The following WDFY4 variants were observed in gnomAD, a reference collection of about 807,000 sequenced individuals.
WDFY4 encodes WDFY family member 4, also known as WD repeat- and FYVE domain-containing protein 4.
WDFY4 carries 169 observed loss-of-function variants against 351.9 expected under a neutral mutation model. The ratio of observed to expected loss-of-function variants is 0.48; its 90% CI spans 0.42 to 0.55. The LOEUF (loss-of-function observed/expected upper bound fraction) is 0.55. Among genes scored for constraint, WDFY4 ranks in the 20% least tolerant of loss-of-function variants. WDFY4 has a pLI of 0.00. For synonymous variants in WDFY4, 1,622 were observed against 1,574.6 expected (o/e 1.03, Z -0.71); for missense variants, 3,803 against 3,935.6 (o/e 0.97, Z 0.90).
intron 2 of WDFY4, among the ~76,000 whole-genome samples, chr10:48,717,665 A>G (rs541973883): frequency 5.4e-4 from 82 of 152,330 alleles, no homozygotes; most frequent in Non-Finnish European, 9.4e-4. Context: ...ATACTGTAAT[A>G]TACTTTTACA....
chr10:48,784,275 A>C (rs889335731), intron 19 of WDFY4, among the ~76,000 whole-genome samples: 1 of 152,218 alleles, frequency 6.6e-6, no homozygotes, highest in Non-Finnish European at 1.5e-5. Flanking sequence ...AACTATTTCG[A>C]AAATGATTGT....
At chr10:48,888,844 G>A (rs919899099) in intron 43 of WDFY4, among the ~76,000 whole-genome samples, 2 of 152,140 alleles carry the variant, frequency 1.3e-5, no homozygotes, top group South Asian at 4.1e-4. Context: ...TGGTGTTCTC[G>A]CCAAGTTTCT....
Position 48,788,645 on chromosome 10 carries a change from T to C in WDFY4, c.3924T>C (p.Asn1308=), listed in dbSNP as rs2066576729. ...TSVADIRNAY[N]EVDSRLIAKE... ...TAGCGGACATCAGAAATGCTTACAA[T>C]GAGGTGGACAGCCGCCTGATCGCCA... The change falls in exon 21 of 62, where the codon AAT becomes AAC. Residue 1308 remains asparagine, a synonymous_variant. Transcript: ENST00000325239. 6.4e-7 allele frequency: 1 copy of C among 1,551,598 alleles called. No homozygotes were observed.
intron 47 of WDFY4, chr10:48,914,066 C>G (rs770655528): frequency 6.2e-7 from 1 of 1,614,210 alleles, no homozygotes; most frequent in South Asian, 1.1e-5. Flanking sequence ...AGTCAAGGCG[C>G]TTTTTCCCAT....
At chr10:48,854,482 C>A (rs1310367760) in intron 39 of WDFY4, among the ~76,000 whole-genome samples, 2 of 152,126 alleles carry the variant, frequency 1.3e-5, no homozygotes, top group African/African-American at 2.4e-5. Context: ...ACTAGGCGAT[C>A]CCTTGCAGTT....
intron 5 of WDFY4, 110 bp downstream of exon 5, chr10:48,723,677 C>T: frequency 7.1e-7 from 1 of 1,416,146 alleles, no homozygotes; most frequent in Non-Finnish European, 9.5e-7. Context: ...GGTTCCTGAA[C>T]TCCTCTGTTC....
In WDFY4 at chr10:48,781,531, G is replaced by A. The variant is rs145441074; in HGVS notation, c.3576+1412G>A. Among the ~76,000 whole-genome samples the A allele has an allele frequency of 6.0e-3, 919 of 152,166 alleles. 9 individuals are homozygous for A. The highest frequency in any genetic ancestry group is 0.021 in the African/African-American group (858 of 41,512). On this transcript the variant is annotated intron_variant, in intron 19 of 61. Coordinates refer to ENST00000325239, the MANE Select transcript of WDFY4 (RefSeq NM_001394531.1). ...GGCTGGTCTGAAACTCCTGACCTCAGGCGATCCACCTGCCTTGCCCTCCCA... is the reference window on the plus strand; with the variant it reads ...GGCTGGTCTGAAACTCCTGACCTCAAGCGATCCACCTGCCTTGCCCTCCCA...
intron 43 of WDFY4, among the ~76,000 whole-genome samples, chr10:48,888,813 G>A (rs2070574148): frequency 6.6e-6 from 1 of 152,144 alleles, no homozygotes; most frequent in Non-Finnish European, 1.5e-5. Context: ...TCCTCACCAA[G>A]AATAATGTCC....
Position 48,867,336 on chromosome 10 carries a change from T to C in WDFY4, c.6735T>C (p.His2245=). Residue 2245 remains histidine (H), a synonymous_variant, in exon 40 of 62, where the codon CAT becomes CAC. Transcript: ENST00000325239. ...TATATGCATCTTTATACAAAGACCA[T>C]GTGCAAGTAAGAAACAAAACATAGG... ...QELYASLYKD[H]VQRRKCGNIK... 2.0e-6 allele frequency: 3 copies of C among 1,496,290 alleles called. No homozygotes were observed. The highest frequency in any genetic ancestry group is 2.7e-6 in the Non-Finnish European group (3 of 1,117,582). 92.7% of individuals were successfully genotyped at this position (1,496,290 alleles called of 1,614,324 possible).
At chr10:48,904,774 G>T (rs1444390361) in intron 47 of WDFY4, among the ~76,000 whole-genome samples, 1 of 152,218 alleles carries the variant, frequency 6.6e-6, no homozygotes. Flanking sequence ...AACCAATCAA[G>T]TGTTTTCATT....
chr10:48,705,845 G>T (rs1278422601), intron 1 of WDFY4, among the ~76,000 whole-genome samples: 8 of 152,200 alleles, frequency 5.3e-5, no homozygotes, highest in Non-Finnish European at 1.5e-5. Context: ...TATTCTGCCT[G>T]ATGCTCACTT....
chr10:48,789,479 A>G (rs1228700932), intron 21 of WDFY4, among the ~76,000 whole-genome samples: 1 of 152,172 alleles, frequency 6.6e-6, no homozygotes, highest in African/African-American at 2.4e-5. Context: ...TGCCCCTTTG[A>G]CATCTGTAGA....
chr10:48,713,024 G>C (rs1157336326), intron 2 of WDFY4, among the ~76,000 whole-genome samples: 2 of 152,142 alleles, frequency 1.3e-5, no homozygotes, highest in African/African-American at 2.4e-5. Context: ...AATTAATTAA[G>C]ATTATTTGGA....
chr10:48,946,037 T>C lies in WDFY4; in HGVS notation c.7750-3T>C. On this transcript the variant is annotated splice_polypyrimidine_tract_variant and splice_region_variant and intron_variant, in intron 49 of 61. Transcript: ENST00000325239. Reference sequence around the variant, plus strand: ...TAACTCCAGCTGCACATCTGCCTTCTAGACATTGAACTTGGCAAATCCGAA... The same window carrying C: ...TAACTCCAGCTGCACATCTGCCTTCCAGACATTGAACTTGGCAAATCCGAA... The C allele has an allele frequency of 1.3e-6, 2 of 1,539,212 alleles. No individual in the cohort carries two copies. Among genetic ancestry groups the C allele is most frequent in the Middle Eastern group, 1.7e-4 (1 of 5,962 alleles).
intron 39 of WDFY4, among the ~76,000 whole-genome samples, chr10:48,857,742 A>G (rs911160322): frequency 2.0e-5 from 3 of 152,176 alleles, no homozygotes; most frequent in South Asian, 4.1e-4. Flanking sequence ...TAAAATGTTT[A>G]TTCACATCTT....
rs1418052912 is a variant in WDFY4 at position 48,897,486 on chromosome 10, G to T, written c.7349G>T (p.Ser2450Ile). ...GATCCGTTCATTTTCAACCTGTGCA[G>T]CAAAGACAGGTCCACTGACCATTAC... is the stretch of plus-strand genomic sequence containing the variant. ...ISDPFIFNLC[S>I]KDRSTDHYSC... The change falls in exon 45 of 62, where the codon AGC becomes ATC. Residue 2450 changes from serine to isoleucine, a missense_variant. By Grantham distance (142) the Ser-to-Ile change is moderately radical. Transcript: ENST00000325239. 3 of 1,551,586 alleles carry T rather than the reference G, an allele frequency of 1.9e-6. No individual in the cohort carries two copies. Among genetic ancestry groups the T allele is most frequent in the Non-Finnish European group, 2.6e-6 (3 of 1,147,054 alleles).
chr10:48,697,966 C>T (rs772491328), intron 1 of WDFY4, among the ~76,000 whole-genome samples: 11 of 152,186 alleles, frequency 7.2e-5, no homozygotes, highest in South Asian at 2.1e-4. Flanking sequence ...CCTTCCATCC[C>T]CACGGGTGCG....
At chr10:48,869,423 C>T (rs781440697) in intron 40 of WDFY4, among the ~76,000 whole-genome samples, 4 of 152,326 alleles carry the variant, frequency 2.6e-5, no homozygotes, top group Non-Finnish European at 5.9e-5. Context: ...CTGGAGATGG[C>T]AGCAGCCCCC....
intron 13 of WDFY4, among the ~76,000 whole-genome samples, chr10:48,772,430 G>A (rs894205229): frequency 6.6e-6 from 1 of 151,684 alleles, no homozygotes; most frequent in Non-Finnish European, 1.5e-5. Flanking sequence ...TAAGTAGGGG[G>A]CATGTAAGTG....
Sources: gnomAD v4.1 joint callset for allele counts (sites outside exome capture counted in the v4.1 genomes callset) on GRCh38, gnomAD v4.1.1 for gene constraint, MANE v1.5 for transcripts, NCBI Gene and HGNC (gene_info 2026-07-23, HGNC 2026-07-21) for gene names.